The following DGLUCY variants were observed in gnomAD, a reference collection of about 807,000 sequenced individuals.
DGLUCY encodes D-glutamate cyclase, mitochondrial.
In DGLUCY, 58 loss-of-function variants were observed where a neutral mutation model predicts 58.5. That is an observed-to-expected ratio of 0.99 (90% CI 0.80 to 1.23). The LOEUF is 1.23. Ranked by LOEUF, DGLUCY falls within the 50% of genes most tolerant of loss-of-function variation. DGLUCY has a pLI of 0.00. For missense variants in DGLUCY, 779 were observed against 784.7 expected (o/e 0.99, Z 0.09); for synonymous variants, 325 against 314.1 (o/e 1.03, Z -0.37).
At chr14:91,204,654 T>C (rs934814381) in intron 11 of DGLUCY, 52 bp from the exon 12 acceptor site, 2 of 1,595,406 alleles carry the variant, frequency 1.3e-6, no homozygotes, top group African/African-American at 1.3e-5. Flanking sequence ...GCTTCAGGCC[T>C]CCCCCATTTT....
intron 1 of DGLUCY, among the ~76,000 whole-genome samples, chr14:91,135,662 A>AAC (rs2046285666): frequency 6.6e-6 from 1 of 150,796 alleles, no homozygotes; most frequent in Middle Eastern, 3.4e-3. Context: ...TTAAAAAAAA[A>AAC]AAAAAAAAAA....
chr14:91,178,073 T>C (rs938334237), intron 7 of DGLUCY, among the ~76,000 whole-genome samples: 1 of 152,238 alleles, frequency 6.6e-6, no homozygotes, highest in Admixed American at 6.5e-5. Flanking sequence ...CAGCATGGCA[T>C]GTTCCAGTCC....
At chr14:91,088,796 C>T (rs771946621) in intron 1 of DGLUCY, among the ~76,000 whole-genome samples, 4 of 152,218 alleles carry the variant, frequency 2.6e-5, no homozygotes, top group Non-Finnish European at 4.4e-5. Flanking sequence ...CCCCCAGGGA[C>T]GGGAGGCTGC....
chr14:91,173,656 T>G (rs1038871346), intron 6 of DGLUCY: 3 of 574,232 alleles, frequency 5.2e-6, no homozygotes, highest in Non-Finnish European at 5.7e-6. Flanking sequence ...TGTCTTTGTT[T>G]TTACCAGGGG....
At chr14:91,157,193 A>ATGGATGAATGAATGGGTG (rs1566971790) in intron 1 of DGLUCY, among the ~76,000 whole-genome samples, 4 of 31,916 alleles carry the variant, frequency 1.3e-4, no homozygotes, top group Non-Finnish European at 3.0e-4. Flanking sequence ...ATGGGTGGAT[A>ATGGATGAATGAATGGGTG]GATGGATGGA....
At chr14:91,142,073 T>C (rs2046726907) in intron 1 of DGLUCY, among the ~76,000 whole-genome samples, 1 of 151,536 alleles carries the variant, frequency 6.6e-6, no homozygotes, top group South Asian at 2.1e-4. Context: ...CTTGAACTCC[T>C]GACCTCAGGT....
rs916425591 is a variant in DGLUCY at position 91,188,868 on chromosome 14, T to A, written c.935-42T>A. On this transcript the variant is annotated intron_variant, in intron 8 of 13. Transcript: ENST00000256324. ...ATACATACATACATACAAATAATTTTAAAAATATAGTTACTTTTACATTCT... is the reference window on the plus strand; with the variant it reads ...ATACATACATACATACAAATAATTTAAAAAATATAGTTACTTTTACATTCT... The A allele has an allele frequency of 5.2e-5, 81 of 1,555,404 alleles. No homozygotes were observed. The Admixed American group carries it at 1.4e-3, about 28-fold the overall frequency.
At chr14:91,085,551 T>TG (rs957538967) in intron 1 of DGLUCY, among the ~76,000 whole-genome samples, 1 of 147,386 alleles carries the variant, frequency 6.8e-6, no homozygotes, top group African/African-American at 2.7e-5. Context: ...CAAGTTCCTT[T>TG]GTTTTTTTTT....
At chr14:91,150,218 CAAAAAAAAAA>C (rs71120121) in intron 1 of DGLUCY, among the ~76,000 whole-genome samples, 2 of 64,732 alleles carry the variant, frequency 3.1e-5, no homozygotes, top group African/African-American at 1.3e-4. Flanking sequence ...GACTCCATCT[CAAAAAAAAAA>C]AAAAAAAAAA....
intron 13 of DGLUCY, among the ~76,000 whole-genome samples, chr14:91,219,937 A>G (rs1470997532): frequency 2.0e-5 from 3 of 152,198 alleles, no homozygotes; most frequent in Non-Finnish European, 4.4e-5. Flanking sequence ...GAGGGACTGA[A>G]GGCCTCCAAG....
chr14:91,138,016 T>G (rs545212747), intron 1 of DGLUCY, among the ~76,000 whole-genome samples: 17 of 152,166 alleles, frequency 1.1e-4, no homozygotes, highest in Non-Finnish European at 1.9e-4. Flanking sequence ...TTGCTAATAC[T>G]CTGTTTAGAG....
At chr14:91,178,015 G>A (rs7145245) in intron 7 of DGLUCY, among the ~76,000 whole-genome samples, 5,679 of 152,304 alleles carry the variant, frequency 0.037, 358 homozygotes, top group African/African-American at 0.13. Flanking sequence ...TCCCACCATC[G>A]GTCGTGGCAG....
chr14:91,099,680 G>A (rs1001637079), intron 1 of DGLUCY, among the ~76,000 whole-genome samples: 2 of 152,142 alleles, frequency 1.3e-5, no homozygotes, highest in African/African-American at 2.4e-5. Context: ...CAGGGGATCT[G>A]CAGTTTTATT....
chr14:91,097,233 C>T (rs1337206071), intron 1 of DGLUCY, among the ~76,000 whole-genome samples: 1 of 151,828 alleles, frequency 6.6e-6, no homozygotes, highest in Non-Finnish European at 1.5e-5. Context: ...CCTGTCTATA[C>T]CGAAAAAATA....
At chr14:91,195,060 G>A (rs2050122684) in intron 9 of DGLUCY, among the ~76,000 whole-genome samples, 1 of 152,154 alleles carries the variant, frequency 6.6e-6, no homozygotes, top group South Asian at 2.1e-4. Context: ...TACGTGAGGG[G>A]TGTGAGGGGC....
intron 6 of DGLUCY, chr14:91,175,695 C>A: frequency 7.5e-6 from 3 of 400,190 alleles, no homozygotes; most frequent in South Asian, 6.8e-5. Flanking sequence ...CCAGAAATCA[C>A]GCCACACAGT....
intron 8 of DGLUCY, among the ~76,000 whole-genome samples, chr14:91,187,441 C>G (rs959091269): frequency 6.6e-5 from 10 of 152,216 alleles, no homozygotes; most frequent in Non-Finnish European, 2.9e-5. Flanking sequence ...CTGTTTTGCT[C>G]TGAGATGACC....
At chr14:91,064,094 C>T (rs1218863961) in intron 1 of DGLUCY, among the ~76,000 whole-genome samples, 1 of 152,224 alleles carries the variant, frequency 6.6e-6, no homozygotes, top group South Asian at 2.1e-4. Flanking sequence ...GTGTTTCTAG[C>T]GTGAGCAGCT....
intron 6 of DGLUCY, among the ~76,000 whole-genome samples, chr14:91,175,369 A>G (rs2048798330): frequency 6.6e-6 from 1 of 152,176 alleles, no homozygotes; most frequent in Non-Finnish European, 1.5e-5. Flanking sequence ...GCTCAACTGC[A>G]TAACCGACAA....
Sources: allele counts gnomAD v4.1 joint callset (sites outside exome capture counted in the v4.1 genomes callset), GRCh38; gene constraint gnomAD v4.1.1; transcripts MANE v1.5; gene names NCBI Gene and HGNC (gene_info 2026-07-23, HGNC 2026-07-21).